The following TMEM267 variants were observed in gnomAD, a reference collection of about 807,000 sequenced individuals.
TMEM267 encodes the protein transmembrane protein C5orf28.
A neutral mutation model predicts 19.3 loss-of-function variants in TMEM267; 20 were observed. The ratio of observed to expected loss-of-function variants is 1.04; its 90% CI spans 0.73 to 1.51. TMEM267 has a LOEUF of 1.51. Among genes scored for constraint, TMEM267 ranks in the 40% most tolerant of loss-of-function variants. The pLI is 0.00. For synonymous variants in TMEM267, 88 were observed against 90.3 expected, an observed-to-expected ratio of 0.97 and a Z score of 0.15; for missense variants, 242 against 261.9, an observed-to-expected ratio of 0.92 and a Z score of 0.52.
At chr5:43,452,500 A>G (rs1164917925) in intron 2 of TMEM267, among the ~76,000 whole-genome samples, 1 of 151,870 alleles carries the variant, frequency 6.6e-6, no homozygotes, top group African/African-American at 2.4e-5. Flanking sequence ...GTACAGCATT[A>G]GAGTGACAGG....
chr5:43,454,059 G>C lies in TMEM267; in HGVS notation c.-74-16C>G. The C allele has an allele frequency of 6.8e-7, 1 of 1,476,964 alleles. No homozygotes were observed. Among genetic ancestry groups the C allele is most frequent in the East Asian group, 2.3e-5 (1 of 43,156 alleles). 91.5% of individuals were successfully genotyped at this position (1,476,964 alleles called of 1,614,324 possible). A position where few individuals can be genotyped will look rare whatever the true frequency, so the allele number is the denominator to read the frequency against. ...TTCCAGCACCCTAAAGGAGAAAGTAGAGAAAAATATGAATGAAGATTATGG... is the reference window on the plus strand; with the variant it reads ...TTCCAGCACCCTAAAGGAGAAAGTACAGAAAAATATGAATGAAGATTATGG... On this transcript the variant is annotated splice_polypyrimidine_tract_variant and intron_variant, in intron 1 of 2. Coordinates refer to ENST00000397080, the MANE Select transcript of TMEM267 (RefSeq NM_022483.5).
intron 1 of TMEM267, among the ~76,000 whole-genome samples, chr5:43,471,501 A>G (rs1348995915): frequency 6.6e-6 from 1 of 152,186 alleles, no homozygotes; most frequent in African/African-American, 2.4e-5. Flanking sequence ...CCTAAGCAAA[A>G]AGAACAAAAC....
At chr5:43,457,609 T>A (rs1489310536) in intron 1 of TMEM267, among the ~76,000 whole-genome samples, 1 of 152,160 alleles carries the variant, frequency 6.6e-6, no homozygotes, top group Non-Finnish European at 1.5e-5. Context: ...CCTAGGGGGA[T>A]ATCTGCCCCC....
chr5:43,459,083 C>T (rs1743111098), intron 1 of TMEM267, among the ~76,000 whole-genome samples: 1 of 151,882 alleles, frequency 6.6e-6, no homozygotes, highest in East Asian at 1.9e-4. Flanking sequence ...GTAACATTTA[C>T]AGAACTCTGA....
At chr5:43,484,284 G>C (rs1019726168), upstream of TMEM267, 5 of 152,160 alleles carry the variant, frequency 3.3e-5, no homozygotes, top group Non-Finnish European at 7.3e-5. Context: ...TGGGAGCCTC[G>C]GCCGTCGCAT....
intron 1 of TMEM267, among the ~76,000 whole-genome samples, chr5:43,478,657 T>C (rs762909762): frequency 1.3e-5 from 2 of 152,170 alleles, no homozygotes; most frequent in Admixed American, 6.5e-5. Flanking sequence ...GTAGCCCTAA[T>C]GTATTAAGGG....
At chr5:43,464,023 T>A (rs187718710) in intron 1 of TMEM267, among the ~76,000 whole-genome samples, 3,053 of 152,322 alleles carry the variant, frequency 0.02, 55 homozygotes, top group South Asian at 0.05. Flanking sequence ...TTGTTCCTGT[T>A]TGCAGATGAC....
intron 1 of TMEM267, among the ~76,000 whole-genome samples, chr5:43,482,450 C>T (rs1744843421): frequency 6.6e-6 from 1 of 152,140 alleles, no homozygotes; most frequent in African/African-American, 2.4e-5. Context: ...CTATTCCTCC[C>T]CCTACAAATA....
chr5:43,479,902 GT>G, intron 1 of TMEM267: 2 of 443,014 alleles, frequency 4.5e-6, no homozygotes, highest in South Asian at 3.2e-5. Flanking sequence ...CCATTACAAA[GT>G]CATGAATCCT....
intron 1 of TMEM267, among the ~76,000 whole-genome samples, chr5:43,473,139 CAA>C (rs71610311): frequency 0.011 from 944 of 84,476 alleles, 4 homozygotes; most frequent in African/African-American, 0.042. Flanking sequence ...CTCCGTGTCA[CAA>C]AAAAAAAAAA....
intron 1 of TMEM267, among the ~76,000 whole-genome samples, chr5:43,475,105 T>C (rs982581031): frequency 6.6e-5 from 10 of 152,200 alleles, no homozygotes; most frequent in Non-Finnish European, 1.3e-4. Context: ...CTGTTTACAA[T>C]AGCAAAGGCT....
rs1463543526 is a variant in TMEM267 at position 43,467,001 on chromosome 5, T to C, written c.-74-12958A>G. Among the ~76,000 whole-genome samples the C allele has an allele frequency of 3.3e-5, 5 of 151,754 alleles. 1 individual carries two copies. The highest frequency in any genetic ancestry group is 7.4e-5 in the Non-Finnish European group (5 of 67,952). ...CTGTCTCTACTAAAAATATAAAAAT[T>C]AGCTGTGTGTCGTGGCGCACATCTG... On this transcript the variant is annotated intron_variant, in intron 1 of 2. Transcript: ENST00000397080.
intron 2 of TMEM267, among the ~76,000 whole-genome samples, chr5:43,453,141 A>G (rs1263474060): frequency 1.3e-5 from 2 of 152,222 alleles, no homozygotes; most frequent in Non-Finnish European, 2.9e-5. Context: ...CTTTCGCTCC[A>G]AAAGGGACTG....
At chr5:43,460,397 A>C (rs1743189834) in intron 1 of TMEM267, among the ~76,000 whole-genome samples, 1 of 152,152 alleles carries the variant, frequency 6.6e-6, no homozygotes, top group African/African-American at 2.4e-5. Flanking sequence ...GCAGAGCAAA[A>C]TAGCAGAATA....
chr5:43,470,172 G>A (rs561749014), intron 1 of TMEM267, among the ~76,000 whole-genome samples: 2 of 152,108 alleles, frequency 1.3e-5, no homozygotes, highest in African/African-American at 2.4e-5. Flanking sequence ...ATGGAGTCTC[G>A]CTCTGCCACC....
At chr5:43,464,214 A>C (rs1039435720) in intron 1 of TMEM267, among the ~76,000 whole-genome samples, 3 of 150,964 alleles carry the variant, frequency 2.0e-5, no homozygotes, top group African/African-American at 7.3e-5. Context: ...AATTGCTTCA[A>C]AGAGAATAAA....
Position 43,446,255 on chromosome 5 carries a change from C to T in TMEM267, c.615G>A (p.Met205Ile), listed in dbSNP as rs558536099. 6.8e-6 allele frequency: 11 copies of T among 1,613,148 alleles called. No individual in the cohort carries two copies. Among genetic ancestry groups the T allele is most frequent in the Admixed American group, 1.7e-5 (1 of 59,988 alleles). The change falls in exon 3 of 3, where the codon ATG becomes ATA. Residue 205 changes from methionine (M) to isoleucine (I), a missense_variant. By Grantham distance (10) the Met-to-Ile change is conservative. Coordinates refer to ENST00000397080, the MANE Select transcript of TMEM267 (RefSeq NM_022483.5). ...VMYLTGTRQM[M>I]SSKHGVRIDV Reference sequence around the variant, plus strand: ...CAATACGAACTCCATGTTTTGAAGACATCATTTGTCTGGTTCCTGTTAAAT... The same window carrying T: ...CAATACGAACTCCATGTTTTGAAGATATCATTTGTCTGGTTCCTGTTAAAT...
intron 1 of TMEM267, among the ~76,000 whole-genome samples, chr5:43,456,500 AATCTTAT>A (rs1742962011): frequency 6.6e-6 from 1 of 152,208 alleles, no homozygotes; most frequent in African/African-American, 2.4e-5. Context: ...ACAATTTTTA[AATCTTAT>A]ATCTGATAAA....
intron 1 of TMEM267, among the ~76,000 whole-genome samples, chr5:43,466,885 A>T (rs1743754181): frequency 6.6e-6 from 1 of 152,196 alleles, no homozygotes; most frequent in South Asian, 2.1e-4. Context: ...GCAGTGGCTC[A>T]TACCTGTAAT....
Sources: gnomAD v4.1 joint callset for allele counts (sites outside exome capture counted in the v4.1 genomes callset) on GRCh38, gnomAD v4.1.1 for gene constraint, MANE v1.5 for transcripts, NCBI Gene and HGNC (gene_info 2026-07-23, HGNC 2026-07-21) for gene names.